Variants in DDX31 observed in about 807,000 individuals in gnomAD.
DDX31 encodes DEAD-box helicase 31, also known as ATP-dependent DNA helicase DDX31.
DDX31 carries 70 observed loss-of-function variants against 91.3 expected under a neutral mutation model. That is an observed-to-expected ratio of 0.77 (90% CI 0.63 to 0.94). The LOEUF (loss-of-function observed/expected upper bound fraction) is 0.94. Among genes scored for constraint, DDX31 ranks in the 40% least tolerant of loss-of-function variants. The pLI is 0.00. For missense variants in DDX31, 902 were observed against 925.0 expected (o/e 0.98, Z 0.32); for synonymous variants, 362 against 350.6 (o/e 1.03, Z -0.36).
intron 19 of DDX31, among the ~76,000 whole-genome samples, chr9:132,611,584 C>CT (rs1281078057): frequency 6.6e-6 from 1 of 151,812 alleles, no homozygotes. Flanking sequence ...GGAAAGGGCT[C>CT]TTTTTGGGAG....
At chr9:132,651,156 C>CA in intron 7 of DDX31, 40 bp from the exon 8 acceptor site, 1 of 1,531,732 alleles carries the variant, frequency 6.5e-7, no homozygotes, top group South Asian at 1.2e-5. Context: ...GAACAGGATC[C>CA]CCCTTTTTTT....
intron 4 of DDX31, among the ~76,000 whole-genome samples, chr9:132,660,087 G>A (rs960511316): frequency 6.6e-5 from 10 of 152,106 alleles, no homozygotes; most frequent in African/African-American, 1.9e-4. Context: ...TGTAATCCCT[G>A]CACTTTGGGA....
Position 132,647,018 on chromosome 9 carries a change from G to A in DDX31, c.1008C>T (p.Val336=). ...GGCTCTTGTCCAGGACAGAAATACT[G>A]ACTGGATCATGCAAACTGATATCAG... ...RLADISLHDP[V]SISVLDKSHD... is the part of the protein sequence containing the mutation. The change falls in exon 12 of 20, where the codon GTC becomes GTT. Residue 336 remains valine (V), a synonymous_variant. Coordinates refer to ENST00000372159, the MANE Select transcript of DDX31 (RefSeq NM_022779.9). 6.2e-7 allele frequency: 1 copy of A among 1,614,164 alleles called. No homozygotes were observed. Among genetic ancestry groups the A allele is most frequent in the Non-Finnish European group, 8.5e-7 (1 of 1,180,042 alleles).
At chr9:132,623,558 A>AAG (rs1222531864) in intron 17 of DDX31, among the ~76,000 whole-genome samples, 1 of 150,918 alleles carries the variant, frequency 6.6e-6, no homozygotes, top group Non-Finnish European at 1.5e-5. Flanking sequence ...TCTCAAAAAA[A>AAG]AAAAAAAAAA....
At chr9:132,652,414 G>T (rs1834252627) in intron 7 of DDX31, 34 bp downstream of exon 7, 1 of 1,613,760 alleles carries the variant, frequency 6.2e-7, no homozygotes, top group Non-Finnish European at 8.5e-7. Flanking sequence ...GAAAGCATGT[G>T]CTTAAAACTT....
At chr9:132,627,650 G>C (rs1204809071) in intron 16 of DDX31, among the ~76,000 whole-genome samples, 1 of 152,206 alleles carries the variant, frequency 6.6e-6, no homozygotes, top group Non-Finnish European at 1.5e-5. Flanking sequence ...CAAATACAAA[G>C]AAGTCAAAAG....
rs2130884808 is a variant in DDX31 at position 132,669,935 on chromosome 9, G to C, written c.-1C>G. 2 of 1,589,356 alleles carry C rather than the reference G, an allele frequency of 1.3e-6. No homozygotes were observed. Among genetic ancestry groups the C allele is most frequent in the East Asian group, 4.6e-5 (2 of 43,604 alleles). On this transcript the variant is annotated 5_prime_UTR_variant, in exon 1 of 20. Transcript: ENST00000372159. ...AGAGCGAACCGTCGGCGGCTGCCAT[G>C]GTCTGCGTGGGTGACGCGTGGTGCA... is the stretch of plus-strand genomic sequence containing the variant.
rs1830409186 is a variant in DDX31, at chr9:132,595,759, C to T, written c.1995-647G>A. ...CTAGGATTAGACCAGCAGCTTTCTG[C>T]AGCCCACACAAACCCGGGTGTTAGA... On this transcript the variant is annotated intron_variant, in intron 19 of 19. Coordinates refer to ENST00000372159, the MANE Select transcript of DDX31 (RefSeq NM_022779.9). This position sits in a 1 kb window ranked among gnomAD's most constrained non-coding sequence, Gnocchi z 4.6. Among the ~76,000 whole-genome samples, 1 of 152,230 alleles carries T rather than the reference C, an allele frequency of 6.6e-6. No individual in the cohort carries two copies. Among genetic ancestry groups the T allele is most frequent in the East Asian group, 1.9e-4 (1 of 5,202 alleles).
chr9:132,658,426 G>A, intron 6 of DDX31: 2 of 697,680 alleles, frequency 2.9e-6, no homozygotes, highest in Non-Finnish European at 5.2e-6. Context: ...TATCATGCCT[G>A]ACACACGGGG....
Position 132,612,069 on chromosome 9 carries a change from G to A in DDX31, c.1994+18C>T, listed in dbSNP as rs374832274. The A allele has an allele frequency of 5.3e-5, 86 of 1,609,018 alleles. 1 individual carries two copies. In the South Asian group the frequency reaches 5.6e-4, roughly 11 times the overall value. ...GAGCTCTCTAGCCCCGTCACGGGAC[G>A]AATTCAGCTCATCTTACCTTTTCAC... On this transcript the variant is annotated intron_variant, in intron 19 of 19. Transcript: ENST00000372159.
intron 19 of DDX31, among the ~76,000 whole-genome samples, chr9:132,608,405 ATTTTTC>A (rs559171133): frequency 5.6e-4 from 85 of 152,196 alleles, no homozygotes; most frequent in African/African-American, 2.0e-3. Flanking sequence ...CGAACTATTT[ATTTTTC>A]TTTTCTGAAA....
At chr9:132,636,364 G>T (rs1022849921) in intron 14 of DDX31, among the ~76,000 whole-genome samples, 4 of 152,224 alleles carry the variant, frequency 2.6e-5, no homozygotes, top group African/African-American at 9.6e-5. Flanking sequence ...CATCTGCAAA[G>T]CTCTTGTGAA....
At position 132,612,240 on chromosome 9, in the gene DDX31, A is replaced by T. The variant is rs1831388585; in HGVS notation, c.1841T>A (p.Ile614Asn). The change falls in exon 19 of 20, where the codon ATC becomes AAC. Residue 614 changes from isoleucine to asparagine, a missense_variant. Transcript: ENST00000372159. ...CCTGGGGTAGGTGGCGTAGGCTTGGATGAAGGACTGCAGAGCTGAAAGAAA... is the reference window on the plus strand; with the variant it reads ...CCTGGGGTAGGTGGCGTAGGCTTGGTTGAAGGACTGCAGAGCTGAAAGAAA... ...SWAKKALQSF[I>N]QAYATYPREL... 6.2e-7 allele frequency: 1 copy of T among 1,614,184 alleles called. No individual in the cohort carries two copies. Among genetic ancestry groups the T allele is most frequent in the East Asian group, 2.2e-5 (1 of 44,876 alleles).
chr9:132,646,848 G>A lies in DDX31; in HGVS notation c.1178C>T (p.Ala393Val), dbSNP rs565096559. 1.5e-5 allele frequency: 25 copies of A among 1,613,990 alleles called. No homozygotes were observed. The highest frequency in any genetic ancestry group is 1.7e-4 in the Middle Eastern group (1 of 6,008). Residue 393 changes from alanine (A) to valine (V), a missense_variant, in exon 12 of 20, where the codon GCG (alanine) becomes GTG (valine). Physicochemically the swap from Ala to Val is moderately conservative, Grantham distance 64. Transcript: ENST00000372159. ...CTTGCATTTCTGAAGGATGAAGGCC[G>A]CTAGGCAGACAAGCCTCAGTTTGCT... ...VPSKLRLVCLAAFILQKCKFE... is the reference protein window; with the variant it reads ...VPSKLRLVCLVAFILQKCKFE...
Position 132,610,718 on chromosome 9 carries a change from T to C in DDX31, c.1994+1369A>G, listed in dbSNP as rs538133340. On this transcript the variant is annotated intron_variant, in intron 19 of 19. Transcript: ENST00000372159. ...CCTGGCCTCAAGCAATCTGCCTGCC[T>C]GGGCCTCCCAAGGTGCTGGGATTAC... is the stretch of plus-strand genomic sequence containing the variant. Among the ~76,000 whole-genome samples the C allele has an allele frequency of 7.2e-5, 11 of 152,278 alleles. 1 individual carries two copies. In the South Asian group the frequency reaches 2.3e-3, roughly 32 times the overall value.
At chr9:132,624,987 A>T (rs986888291) in intron 17 of DDX31, among the ~76,000 whole-genome samples, 1 of 152,186 alleles carries the variant, frequency 6.6e-6, no homozygotes, top group African/African-American at 2.4e-5. Context: ...CAAGTGATTA[A>T]TATCTCATAG....
At chr9:132,648,145 T>A (rs371479419) in intron 11 of DDX31, 44 bp downstream of exon 11, 4 of 1,503,842 alleles carry the variant, frequency 2.7e-6, no homozygotes, top group Non-Finnish European at 3.6e-6. Flanking sequence ...GTCCTTCCTC[T>A]TCATTAAGAA....
intron 17 of DDX31, among the ~76,000 whole-genome samples, chr9:132,624,245 C>T (rs773527916): frequency 6.9e-6 from 1 of 145,944 alleles, no homozygotes; most frequent in Non-Finnish European, 1.5e-5. Context: ...TCCAAAAGAA[C>T]GGAAGTGTGC....
intron 19 of DDX31, among the ~76,000 whole-genome samples, chr9:132,609,115 G>A (rs376235): frequency 0.073 from 11,111 of 152,106 alleles, 528 homozygotes; most frequent in African/African-American, 0.11. Context: ...GCATAGCAAC[G>A]GAAAAAGTAG....
Sources: allele counts gnomAD v4.1 joint callset (sites outside exome capture counted in the v4.1 genomes callset), GRCh38; gene constraint gnomAD v4.1.1; non-coding constraint Gnocchi (gnomAD v3.1); transcripts MANE v1.5; gene names NCBI Gene and HGNC (gene_info 2026-07-23, HGNC 2026-07-21).